The following PUDP variants were observed in gnomAD, a reference collection of about 807,000 sequenced individuals.
PUDP encodes pseudouridine 5'-phosphatase.
In PUDP, 8 loss-of-function variants were observed where a neutral mutation model predicts 9.4. The ratio of observed to expected loss-of-function variants is 0.85; its 90% confidence interval spans 0.50 to 1.53. The LOEUF is 1.53. Among genes scored for constraint, PUDP ranks in the 40% most tolerant of loss-of-function variants. The probability of loss-of-function intolerance (pLI) is 0.00; values close to 1 mark genes in which losing one functional copy is unlikely to be tolerated. For synonymous variants in PUDP, 99 were observed against 80.7 expected (o/e 1.23, Z -1.22); for missense variants, 188 against 189.7 (o/e 0.99, Z 0.05).
intron 3 of PUDP, among the ~76,000 whole-genome samples, chrX:6,925,218 G>A (rs1165963114): frequency 1.8e-5 from 2 of 112,023 alleles, no homozygotes; most frequent in Non-Finnish European, 3.8e-5. Context: ...AGGAGGCTGA[G>A]GCAGGAGAAT....
In PUDP at chrX:6,709,821, C is replaced by T. The variant is rs1315661165; in HGVS notation, n.129-3355G>A. ...CTAAGGCACAACCAGAGAAACTGGA[C>T]GTTTTAAAAACTAAATTTGGGCCAG... On this transcript the variant is annotated intron_variant and non_coding_transcript_variant, in intron 1 of 2. Coordinates refer to the PUDP transcript ENST00000438499. 2.7e-5 allele frequency among the ~76,000 whole-genome samples: 3 copies of T among 112,029 alleles called. No homozygotes were observed. In the East Asian group the frequency reaches 8.3e-4, roughly 31 times the overall value.
chrX:7,031,789 T>C (rs1208366718), intron 1 of PUDP, among the ~76,000 whole-genome samples: 1 of 112,240 alleles, frequency 8.9e-6, no homozygotes, highest in African/African-American at 3.2e-5. Context: ...TGCACAAGCA[T>C]TAAATTAAGA....
intron 1 of PUDP, among the ~76,000 whole-genome samples, chrX:6,714,421 C>T (rs763760125): frequency 9.0e-6 from 1 of 111,138 alleles, no homozygotes; most frequent in Non-Finnish European, 1.9e-5. Context: ...TACACACAAA[C>T]GACGGAGGAT....
chrX:6,807,424 G>A (rs1391380874), intron 3 of PUDP, among the ~76,000 whole-genome samples: 2 of 112,039 alleles, frequency 1.8e-5, no homozygotes, highest in East Asian at 5.6e-4. Context: ...ATTGCTGACC[G>A]CATTATTTGT....
At chrX:7,061,238 T>C (rs182758831) in intron 3 of PUDP, among the ~76,000 whole-genome samples, 1 of 111,321 alleles carries the variant, frequency 9.0e-6, no homozygotes, top group African/African-American at 3.3e-5. Context: ...TCATTCATGA[T>C]CACCCCCAAA....
intron 1 of PUDP, among the ~76,000 whole-genome samples, chrX:7,118,398 T>A (rs1932253608): frequency 8.9e-6 from 1 of 112,071 alleles, no homozygotes; most frequent in Non-Finnish European, 1.9e-5. Context: ...GCAATCTCCA[T>A]CCAACTTGCC....
chrX:6,796,882 A>C (rs1362252245), intron 3 of PUDP, among the ~76,000 whole-genome samples: 1 of 111,998 alleles, frequency 8.9e-6, no homozygotes, highest in Non-Finnish European at 1.9e-5. Context: ...CTGAAAATAA[A>C]AAGTATGTAT....
chrX:7,127,370 G>T (rs756754007), intron 1 of PUDP, among the ~76,000 whole-genome samples: 1 of 112,237 alleles, frequency 8.9e-6, no homozygotes, highest in East Asian at 2.8e-4. Flanking sequence ...AGGTGTTACT[G>T]TCAGTCAAAC....
At chrX:6,727,108 A>T (rs1313407723) in intron 3 of PUDP, among the ~76,000 whole-genome samples, 1 of 111,712 alleles carries the variant, frequency 9.0e-6, no homozygotes, top group Non-Finnish European at 1.9e-5. Context: ...AATAATGCTA[A>T]CACACAGGTA....
At chrX:7,003,860 G>A (rs897008054) in intron 1 of PUDP, among the ~76,000 whole-genome samples, 2 of 111,253 alleles carry the variant, frequency 1.8e-5, no homozygotes, top group African/African-American at 6.6e-5. Context: ...TTTTAATGAT[G>A]TCCTATTGGT....
chrX:6,853,178 G>C (rs1943205880), intron 3 of PUDP, among the ~76,000 whole-genome samples: 1 of 111,433 alleles, frequency 9.0e-6, no homozygotes, highest in African/African-American at 3.3e-5. Flanking sequence ...CATGTCTTAG[G>C]CAAGCCCCCC....
chrX:6,807,370 T>G (rs1004555844), intron 3 of PUDP, among the ~76,000 whole-genome samples: 1 of 111,826 alleles, frequency 8.9e-6, no homozygotes, highest in South Asian at 3.8e-4. Context: ...ATTGCCAACA[T>G]TTTACTCTCT....
intron 3 of PUDP, among the ~76,000 whole-genome samples, chrX:6,951,864 G>T (rs1056774855): frequency 1.8e-5 from 2 of 112,177 alleles, no homozygotes; most frequent in African/African-American, 6.5e-5. Context: ...CAATGCCAGG[G>T]ATAGCTAACA....
At chrX:7,033,629 T>C (rs1372966947) in intron 1 of PUDP, among the ~76,000 whole-genome samples, 1 of 111,148 alleles carries the variant, frequency 9.0e-6, no homozygotes. Context: ...AAGGAACATA[T>C]AGTTCCTGGC....
chrX:6,881,977 CT>C (rs34092299), intron 3 of PUDP, among the ~76,000 whole-genome samples: 151 of 94,912 alleles, frequency 1.6e-3, no homozygotes, highest in African/African-American at 2.8e-3. Flanking sequence ...TTTTTTTTTA[CT>C]TTTTTTTTTT....
intron 3 of PUDP, among the ~76,000 whole-genome samples, chrX:6,964,526 T>C (rs1928754313): frequency 2.7e-5 from 3 of 110,333 alleles, no homozygotes. Context: ...TTTTAAAAAT[T>C]AGCTGGGCGT....
At chrX:6,721,697 C>T (rs946724762), upstream of PUDP, among the ~76,000 whole-genome samples, 26 of 111,868 alleles carry the variant, frequency 2.3e-4, no homozygotes, top group African/African-American at 7.1e-4. Context: ...TGGATAGGTG[C>T]GTGATGTTCA....
intron 3 of PUDP, among the ~76,000 whole-genome samples, chrX:7,071,486 C>T (rs958445637): frequency 4.5e-5 from 5 of 111,183 alleles, no homozygotes; most frequent in African/African-American, 1.6e-4. Context: ...AAAGTCCTCA[C>T]GATTGATTCT....
chrX:6,708,963 C>A (rs1295309662), intron 1 of PUDP, among the ~76,000 whole-genome samples: 1 of 112,189 alleles, frequency 8.9e-6, no homozygotes, highest in African/African-American at 3.2e-5. Flanking sequence ...GCCACCTGTG[C>A]TCACAGGTAT....
Sources: gnomAD v4.1 joint callset for allele counts (sites outside exome capture counted in the v4.1 genomes callset) on GRCh38, gnomAD v4.1.1 for gene constraint, MANE v1.5 for transcripts, NCBI Gene and HGNC (gene_info 2026-07-23, HGNC 2026-07-21) for gene names.